EML6: variants seen among roughly 807,000 people sequenced by gnomAD.
EML6 encodes echinoderm microtubule-associated protein-like 6.
Under a neutral mutation model 240.1 loss-of-function variants are expected in EML6, and 154 were observed. The ratio of observed to expected loss-of-function variants is 0.64; its 90% confidence interval spans 0.56 to 0.73. The LOEUF (loss-of-function observed/expected upper bound fraction) is 0.73, where lower values mean the gene tolerates loss of function less well. EML6 is among the 30% of genes least tolerant of loss of function. EML6 has a pLI of 0.00. For synonymous variants in EML6, 1,148 were observed against 899.0 expected, an observed-to-expected ratio of 1.28 and a Z score of -4.95; for missense variants, 2,964 against 2,474.6, an observed-to-expected ratio of 1.20 and a Z score of -4.20.
At chr2:54,857,385 C>T (rs981779805) in intron 11 of EML6, among the ~76,000 whole-genome samples, 6 of 152,110 alleles carry the variant, frequency 3.9e-5, no homozygotes, top group Non-Finnish European at 8.8e-5. Context: ...TGGAGTCATT[C>T]AGTGTCCCAG....
At chr2:54,799,554 A>T (rs574594457) in intron 2 of EML6, among the ~76,000 whole-genome samples, 130 of 152,250 alleles carry the variant, frequency 8.5e-4, no homozygotes, top group African/African-American at 2.9e-3. Flanking sequence ...CATGTTGGCC[A>T]GGATGGTCTC....
intron 2 of EML6, among the ~76,000 whole-genome samples, chr2:54,768,178 T>C (rs1296197585): frequency 6.6e-6 from 1 of 152,218 alleles, no homozygotes; most frequent in Non-Finnish European, 1.5e-5. Context: ...TTTTTTTTTT[T>C]GATGATTCAT....
At chr2:54,845,981 A>G (rs1406783657) in intron 8 of EML6, among the ~76,000 whole-genome samples, 3 of 152,242 alleles carry the variant, frequency 2.0e-5, no homozygotes, top group Non-Finnish European at 4.4e-5. Context: ...CCCAACATGT[A>G]AAGCCTTATT....
At chr2:54,843,533 C>G (rs1315953869) in intron 7 of EML6, among the ~76,000 whole-genome samples, 1 of 152,098 alleles carries the variant, frequency 6.6e-6, no homozygotes, top group African/African-American at 2.4e-5. Flanking sequence ...GAGGAAACAT[C>G]CAGCGCTTGT....
intron 2 of EML6, among the ~76,000 whole-genome samples, chr2:54,800,250 T>A (rs1670057318): frequency 6.6e-6 from 1 of 152,064 alleles, no homozygotes; most frequent in Admixed American, 6.6e-5. Flanking sequence ...GATTTCTTAT[T>A]TTGTTTGCTC....
At chr2:54,865,291 C>T (rs1397095891) in intron 13 of EML6, among the ~76,000 whole-genome samples, 2 of 147,120 alleles carry the variant, frequency 1.4e-5, no homozygotes, top group Non-Finnish European at 3.0e-5. Context: ...GAGCTTGAGA[C>T]CAGCCTAGTT....
In EML6 at chr2:54,969,988, G is replaced by T; in HGVS notation, c.5853-83G>T. 2.1e-6 allele frequency: 3 copies of T among 1,436,704 alleles called. No individual in the cohort carries two copies. In the South Asian group the frequency reaches 3.7e-5, roughly 18 times the overall value. 89.0% of individuals were successfully genotyped at this position (1,436,704 alleles called of 1,614,324 possible). Reference sequence around the variant, plus strand: ...TACATCACCCGAGCTTGACTTTTGAGCACTTGGCAAGATTGTTTTTTGCCA... The same window carrying T: ...TACATCACCCGAGCTTGACTTTTGATCACTTGGCAAGATTGTTTTTTGCCA... On this transcript the variant is annotated intron_variant, in intron 41 of 41. Transcript: ENST00000356458.
chr2:54,886,747 A>T (rs1290868142), intron 17 of EML6, among the ~76,000 whole-genome samples: 1 of 152,096 alleles, frequency 6.6e-6, no homozygotes, highest in Non-Finnish European at 1.5e-5. Flanking sequence ...GAATAGAGTG[A>T]TTTGTCTTTT....
chr2:54,748,218 G>A (rs2103688164), intron 2 of EML6: 1 of 152,316 alleles, frequency 6.6e-6, no homozygotes, highest in Middle Eastern at 3.4e-3. Context: ...GTCAAAGAAA[G>A]ACTCAATAAA....
intron 2 of EML6, among the ~76,000 whole-genome samples, chr2:54,747,695 GTTTTA>G (rs890787231): frequency 1.3e-5 from 2 of 151,976 alleles, no homozygotes; most frequent in Non-Finnish European, 2.9e-5. Context: ...GAGGCTCTTT[GTTTTA>G]TTTTATTTGG....
chr2:54,801,433 A>G (rs1197080530), intron 2 of EML6, among the ~76,000 whole-genome samples: 1 of 152,220 alleles, frequency 6.6e-6, no homozygotes, highest in East Asian at 1.9e-4. Context: ...AGTGATGCTT[A>G]CATGAATTAA....
rs907374464 is a variant in EML6 at position 54,952,735 on chromosome 2, G to C, written c.4312+43G>C. 3 of 1,333,060 alleles carry C rather than the reference G, an allele frequency of 2.3e-6. No individual in the cohort carries two copies. The African/African-American group carries it at 4.4e-5, about 19-fold the overall frequency. 82.6% of individuals were successfully genotyped at this position (1,333,060 alleles called of 1,614,324 possible). A position where few individuals can be genotyped will look rare whatever the true frequency, so the allele number is the denominator to read the frequency against. On this transcript the variant is annotated intron_variant, in intron 31 of 41. Transcript: ENST00000356458. ...AGCTGAGGCTCTCCCAGCTTGCAGGGACGCTGACCTGTCAGCAATTATTGG... is the reference window on the plus strand; with the variant it reads ...AGCTGAGGCTCTCCCAGCTTGCAGGCACGCTGACCTGTCAGCAATTATTGG...
intron 33 of EML6, 134 bp from the exon 34 acceptor site, chr2:54,958,970 T>C: frequency 1.3e-6 from 1 of 792,494 alleles, no homozygotes; most frequent in Non-Finnish European, 1.9e-6. Flanking sequence ...TCTGCTGCTT[T>C]CCTTAGCACA....
chr2:54,876,140 A>G (rs375913996), intron 16 of EML6, among the ~76,000 whole-genome samples: 1 of 152,326 alleles, frequency 6.6e-6, no homozygotes, highest in East Asian at 1.9e-4. Flanking sequence ...AAAGGACATT[A>G]CCTAAGAGAC....
In EML6 at chr2:54,787,130, T is replaced by TTGTGCAG. The variant is rs1318147959; in HGVS notation, c.198-26096_198-26090dup. ...GTAGGTTCAGCAGGGCTTCGGGGAG[T>TTGTGCAG]TGTGCAGTGTGCGTTGGTGGGAGAG... On this transcript the variant is annotated intron_variant, in intron 2 of 41. Coordinates refer to ENST00000356458, the MANE Select transcript of EML6 (RefSeq NM_001039753.4). Among the ~76,000 whole-genome samples, 6 of 151,954 alleles carry TTGTGCAG rather than the reference T, an allele frequency of 3.9e-5. No homozygotes were observed. In the East Asian group the frequency reaches 9.7e-4, roughly 24 times the overall value.
At chr2:54,964,266 C>T (rs758869090) in intron 37 of EML6, 108 bp downstream of exon 37, 14 of 1,109,708 alleles carry the variant, frequency 1.3e-5, no homozygotes, top group African/African-American at 6.3e-5. Context: ...GTGAGAGGGT[C>T]ACTTTCAACA....
At chr2:54,896,003 C>G (rs1409000281) in intron 21 of EML6, among the ~76,000 whole-genome samples, 1 of 152,228 alleles carries the variant, frequency 6.6e-6, no homozygotes, top group African/African-American at 2.4e-5. Flanking sequence ...AAACAAGTCA[C>G]AGGTCATACC....
In EML6 at chr2:54,729,121, G is replaced by C. The variant is rs1683042275; in HGVS notation, c.197+3863G>C. Among the ~76,000 whole-genome samples the C allele has an allele frequency of 2.0e-5, 3 of 152,176 alleles. No homozygotes were observed. In the South Asian group the frequency reaches 6.2e-4, roughly 32 times the overall value. On this transcript the variant is annotated intron_variant, in intron 2 of 41. Transcript: ENST00000356458. ...GAAACAACTTTTCACTTATAAAATG[G>C]AGTTTTAAAGTATCTCCTTTGTAGT...
chr2:54,875,618 C>G (rs188037929), intron 16 of EML6, among the ~76,000 whole-genome samples: 1 of 152,194 alleles, frequency 6.6e-6, no homozygotes, highest in South Asian at 2.1e-4. Flanking sequence ...TGCCACTTTT[C>G]GAAAGCAAAC....
Sources: gnomAD v4.1 joint callset for allele counts (sites outside exome capture counted in the v4.1 genomes callset) on GRCh38, gnomAD v4.1.1 for gene constraint, MANE v1.5 for transcripts, NCBI Gene and HGNC (gene_info 2026-07-23, HGNC 2026-07-21) for gene names.